CELF2: variants seen among roughly 807,000 people sequenced by gnomAD.
CELF2 encodes the protein CUGBP Elav-like family member 2.
In CELF2, 8 loss-of-function variants were observed where a neutral mutation model predicts 62.6. The observed-to-expected ratio is 0.13, with a 90% confidence interval of 0.07 to 0.23. CELF2 has a LOEUF of 0.23. Ranked by LOEUF, CELF2 falls within the 10% of genes least tolerant of loss-of-function variation. The pLI is 1.00. For missense variants in CELF2, 333 were observed against 671.0 expected, an observed-to-expected ratio of 0.50 and a Z score of 5.56; for synonymous variants, 258 against 250.0, an observed-to-expected ratio of 1.03 and a Z score of -0.30.
At chr10:10,768,165 CAAA>C in the CELF2 span, among the ~76,000 whole-genome samples, 3 of 91,960 alleles carry the variant, frequency 3.3e-5, no homozygotes, top group African/African-American at 3.6e-5. Context: ...GACTCCGTCT[CAAA>C]AAAAAAAAAA....
At chr10:10,910,692 T>C (rs2063728322) in intron 1 of CELF2, among the ~76,000 whole-genome samples, 1 of 92,748 alleles carries the variant, frequency 1.1e-5, no homozygotes, top group African/African-American at 4.7e-5. Flanking sequence ...AGAGTGAGAC[T>C]CTGCCTCAAA....
chr10:11,161,549 T>C (rs963272133), intron 1 of CELF2, among the ~76,000 whole-genome samples: 5 of 152,238 alleles, frequency 3.3e-5, no homozygotes, highest in Admixed American at 3.3e-4. Context: ...TGACTCTCAT[T>C]GGGTTCATCT....
intron 2 of CELF2, among the ~76,000 whole-genome samples, chr10:11,216,536 G>C (rs1389163964): frequency 6.6e-6 from 1 of 152,166 alleles, no homozygotes; most frequent in African/African-American, 2.4e-5. Context: ...AACTGATTGT[G>C]CTGAGAAACT....
At chr10:10,894,495 T>C (rs1188656102) in intron 1 of CELF2, among the ~76,000 whole-genome samples, 1 of 152,194 alleles carries the variant, frequency 6.6e-6, no homozygotes, top group Non-Finnish European at 1.5e-5. Flanking sequence ...CACAGATATA[T>C]GGCAAAGTTG....
rs1234843097 is a variant in CELF2, at chr10:11,321,402, G to C, written c.1294+16G>C. 6.3e-7 allele frequency: 1 copy of C among 1,599,450 alleles called. No individual in the cohort carries two copies. Reference sequence around the variant, plus strand: ...CAGAAGGAAGGTAGGTGCCGCCCTTGGCCCCAGGCAGGGCCCAGCCCAACA... The same window carrying C: ...CAGAAGGAAGGTAGGTGCCGCCCTTCGCCCCAGGCAGGGCCCAGCCCAACA... On this transcript the variant is annotated intron_variant, in intron 11 of 12. Coordinates refer to ENST00000633077, the MANE Select transcript of CELF2 (RefSeq NM_001326342.2). This position sits in a 1 kb window ranked among gnomAD's most constrained non-coding sequence, Gnocchi z 6.2.
chr10:11,030,998 AC>A (rs1315306415), intron 1 of CELF2: 2 of 152,222 alleles, frequency 1.3e-5, no homozygotes, highest in Non-Finnish European at 2.9e-5. Flanking sequence ...ATTTATGATA[AC>A]GGTATATTTT....
intron 2 of CELF2, among the ~76,000 whole-genome samples, chr10:11,186,009 T>C (rs1197695517): frequency 6.6e-6 from 1 of 152,230 alleles, no homozygotes; most frequent in Non-Finnish European, 1.5e-5. Flanking sequence ...ATTGAATTTC[T>C]TTAGTACCTA....
At chr10:10,851,853 C>G (rs1469956224) in intron 1 of CELF2, among the ~76,000 whole-genome samples, 1 of 152,142 alleles carries the variant, frequency 6.6e-6, no homozygotes, top group African/African-American at 2.4e-5. Context: ...TAAAGAGATT[C>G]CTAACAGCAT....
At chr10:10,810,980 G>C (rs187962572) in intron 1 of CELF2, among the ~76,000 whole-genome samples, 201 of 152,324 alleles carry the variant, frequency 1.3e-3, no homozygotes, top group Admixed American at 2.6e-3. Flanking sequence ...TTTGAAAGAA[G>C]CCTGGGACTC....
the CELF2 span, among the ~76,000 whole-genome samples, chr10:10,740,787 G>T: frequency 7.9e-5 from 12 of 152,182 alleles, no homozygotes; most frequent in Admixed American, 3.9e-4. Context: ...TGACAACATG[G>T]ATGAAACTGG....
At chr10:10,973,548 T>C (rs1330272373) in intron 2 of CELF2, among the ~76,000 whole-genome samples, 1 of 152,150 alleles carries the variant, frequency 6.6e-6, no homozygotes, top group African/African-American at 2.4e-5. Context: ...TTGCCAGCTC[T>C]TTAAAGATAG....
the CELF2 span, among the ~76,000 whole-genome samples, chr10:10,762,929 A>T: frequency 5.3e-5 from 8 of 152,110 alleles, no homozygotes; most frequent in African/African-American, 1.9e-4. Context: ...ACAGAGCAAG[A>T]CTCTGTCTCT....
At chr10:10,483,285 A>T in the CELF2 span, among the ~76,000 whole-genome samples, 12 of 151,224 alleles carry the variant, frequency 7.9e-5, no homozygotes, top group African/African-American at 2.7e-4. Context: ...GTTTCTTAGG[A>T]CCTAAAATGT....
chr10:10,837,079 A>G (rs1162472862), intron 1 of CELF2, among the ~76,000 whole-genome samples: 1 of 152,192 alleles, frequency 6.6e-6, no homozygotes, highest in African/African-American at 2.4e-5. Context: ...CCGCACTCCT[A>G]CGTTGTCATT....
At chr10:10,731,913 C>T in the CELF2 span, among the ~76,000 whole-genome samples, 8 of 152,068 alleles carry the variant, frequency 5.3e-5, no homozygotes, top group African/African-American at 7.2e-5. Context: ...TGCTGAGCCC[C>T]GCATGCCCCT....
At chr10:11,264,632 A>G (rs2081640596) in intron 5 of CELF2, among the ~76,000 whole-genome samples, 1 of 152,246 alleles carries the variant, frequency 6.6e-6, no homozygotes, top group Admixed American at 6.5e-5. Flanking sequence ...AAGAGATGTT[A>G]CTTGGAAACA....
intron 1 of CELF2, among the ~76,000 whole-genome samples, chr10:11,163,052 G>T (rs894963024): frequency 6.6e-6 from 1 of 152,224 alleles, no homozygotes; most frequent in African/African-American, 2.4e-5. Context: ...ATACAGGCCA[G>T]AGGCATGAGG....
In CELF2 at chr10:11,061,619, A is replaced by G. The variant is rs370567816; in HGVS notation, c.74+43456A>G. On this transcript the variant is annotated intron_variant, in intron 1 of 12. Transcript: ENST00000633077. Reference sequence around the variant, plus strand: ...AGAGGAGAAGTCAATGTCTGGCTTCAGAGGACAGATTGATTATCTTATAAG... The same window carrying G: ...AGAGGAGAAGTCAATGTCTGGCTTCGGAGGACAGATTGATTATCTTATAAG... Among the ~76,000 whole-genome samples, 31 of 152,336 alleles carry G rather than the reference A, an allele frequency of 2.0e-4. 2 individuals are homozygous for G. In the East Asian group the frequency reaches 6.0e-3, roughly 29 times the overall value.
the CELF2 span, among the ~76,000 whole-genome samples, chr10:10,688,737 G>C: frequency 6.6e-6 from 1 of 152,094 alleles, no homozygotes; most frequent in Admixed American, 6.5e-5. Context: ...GCTGGGCTCA[G>C]TGGCTCATGC....
Sources: allele counts gnomAD v4.1 joint callset (sites outside exome capture counted in the v4.1 genomes callset), GRCh38; gene constraint gnomAD v4.1.1; non-coding constraint Gnocchi (gnomAD v3.1); transcripts MANE v1.5; gene names NCBI Gene and HGNC (gene_info 2026-07-23, HGNC 2026-07-21).